Variants in NAA35 observed in about 807,000 individuals in gnomAD.
The protein encoded by NAA35 is MAK10 homolog, amino-acid N-acetyltransferase subunit.
In NAA35, 18 loss-of-function variants were observed where a neutral mutation model predicts 101.7. The observed-to-expected ratio is 0.18, with a 90% confidence interval of 0.12 to 0.26. The LOEUF (loss-of-function observed/expected upper bound fraction) is 0.26, where lower values mean the gene tolerates loss of function less well. NAA35 is among the 10% of genes least tolerant of loss of function. The pLI, the probability that NAA35 is intolerant of heterozygous loss-of-function variation, is 1.00. For missense variants in NAA35, 601 were observed against 886.8 expected (o/e 0.68, Z 4.09); for synonymous variants, 267 against 273.1 (o/e 0.98, Z 0.22).
At chr9:86,000,066 T>C (rs1587641528) in intron 12 of NAA35, among the ~76,000 whole-genome samples, 3 of 152,284 alleles carry the variant, frequency 2.0e-5, no homozygotes, top group Admixed American at 2.0e-4. Flanking sequence ...TTTTGAGGTG[T>C]GGTCCTTCAA....
intron 14 of NAA35, 126 bp downstream of exon 14, chr9:86,007,590 T>C: frequency 1.6e-6 from 1 of 617,228 alleles, no homozygotes; most frequent in South Asian, 2.2e-5. Flanking sequence ...AGTAACTTAA[T>C]AGTGTTAAAA....
intron 12 of NAA35, among the ~76,000 whole-genome samples, chr9:86,002,200 T>C (rs1831443973): frequency 6.6e-6 from 1 of 150,682 alleles, no homozygotes; most frequent in Admixed American, 6.6e-5. Context: ...CCCAATTTCT[T>C]CTTGTAGGGT....
At chr9:86,015,146 T>G (rs1383536991) in intron 17 of NAA35, among the ~76,000 whole-genome samples, 2 of 152,220 alleles carry the variant, frequency 1.3e-5, no homozygotes, top group Admixed American at 1.3e-4. Flanking sequence ...TCTTGATTTC[T>G]CAGATCAAAA....
chr9:85,977,594 A>G, intron 10 of NAA35, 148 bp downstream of exon 10: 1 of 513,604 alleles, frequency 1.9e-6, no homozygotes, highest in Non-Finnish European at 3.4e-6. Context: ...CCAGTGTAAC[A>G]CTGATGACTT....
At chr9:86,017,136 A>G (rs969773928) in intron 18 of NAA35, among the ~76,000 whole-genome samples, 1 of 152,268 alleles carries the variant, frequency 6.6e-6, no homozygotes, top group African/African-American at 2.4e-5. Flanking sequence ...AAGGCTATAG[A>G]TATGGCTGCA....
chr9:86,011,517 C>T (rs1004776753), intron 15 of NAA35, among the ~76,000 whole-genome samples: 21 of 150,906 alleles, frequency 1.4e-4, no homozygotes, highest in African/African-American at 4.9e-4. Context: ...TGGCACCACA[C>T]CTGGTTAATT....
chr9:85,976,569 A>G (rs970771851), intron 8 of NAA35, 116 bp from the exon 9 acceptor site: 6 of 665,494 alleles, frequency 9.0e-6, no homozygotes, highest in Non-Finnish European at 1.2e-5. Flanking sequence ...TTCCCCAACT[A>G]TTTTCCCCAA....
chr9:85,994,355 C>T (rs1264109428), intron 11 of NAA35, among the ~76,000 whole-genome samples: 1 of 152,192 alleles, frequency 6.6e-6, no homozygotes, highest in Non-Finnish European at 1.5e-5. Flanking sequence ...TATTCTCTGT[C>T]TGAATTTCAC....
intron 6 of NAA35, among the ~76,000 whole-genome samples, chr9:85,971,365 GTCT>G (rs1299111951): frequency 1.3e-5 from 2 of 151,990 alleles, no homozygotes; most frequent in East Asian, 3.9e-4. Context: ...TTTTCTCTTT[GTCT>G]TCTTAATACC....
At chr9:85,982,388 G>A (rs770347226) in intron 11 of NAA35, among the ~76,000 whole-genome samples, 1 of 152,130 alleles carries the variant, frequency 6.6e-6, no homozygotes, top group Non-Finnish European at 1.5e-5. Context: ...TGCTTATGCT[G>A]TCTTGAATTT....
In NAA35 at chr9:85,996,409, TATG is replaced by T. The variant is rs1266805985; in HGVS notation, c.892_894del (p.Met298del). The T allele has an allele frequency of 1.3e-6, 2 of 1,578,796 alleles. No homozygotes were observed. Among genetic ancestry groups the T allele is most frequent in the Non-Finnish European group, 1.7e-6 (2 of 1,170,642 alleles). ...TTTTTTTCTTTTTAGATCATCCAAT[TATG>T]ATGGGTTTTGAACCCCTTGTGAACC... On this transcript the variant is annotated inframe_deletion, in exon 12 of 23. Transcript: ENST00000361671.
intron 11 of NAA35, among the ~76,000 whole-genome samples, chr9:85,992,747 C>T (rs968262380): frequency 2.0e-5 from 3 of 152,112 alleles, no homozygotes; most frequent in African/African-American, 7.2e-5. Context: ...AAATTAAATG[C>T]AGTTGACATG....
intron 6 of NAA35, among the ~76,000 whole-genome samples, chr9:85,964,593 C>T (rs1829665851): frequency 6.6e-6 from 1 of 152,198 alleles, no homozygotes; most frequent in African/African-American, 2.4e-5. Flanking sequence ...CACATCAGAT[C>T]CTCAGCTTTT....
chr9:85,980,829 C>T lies in NAA35; in HGVS notation c.877+2448C>T, dbSNP rs1346144420. ...ATTAAAATGAGATGACATTTATATC[C>T]TTTTTTCGCCCCTCAACGACTTGGC... On this transcript the variant is annotated intron_variant, in intron 11 of 22. Transcript: ENST00000361671. Among the ~76,000 whole-genome samples the T allele has an allele frequency of 4.6e-5, 7 of 152,046 alleles. No individual in the cohort carries two copies. The South Asian group carries it at 1.4e-3, about 31-fold the overall frequency.
At chr9:86,017,669 T>C in intron 19 of NAA35, 104 bp downstream of exon 19, 1 of 919,262 alleles carries the variant, frequency 1.1e-6, no homozygotes, top group Non-Finnish European at 1.6e-6. Flanking sequence ...TAATTTCACC[T>C]TTGTTTTACT....
chr9:85,966,537 G>A (rs1417010624), intron 6 of NAA35: 2 of 836,320 alleles, frequency 2.4e-6, no homozygotes, highest in Middle Eastern at 2.9e-4. Context: ...AAATGAAAAT[G>A]TAGTTTGATT....
chr9:86,020,536 A>G (rs1009501054), intron 21 of NAA35, among the ~76,000 whole-genome samples: 4 of 152,154 alleles, frequency 2.6e-5, no homozygotes, highest in African/African-American at 4.8e-5. Flanking sequence ...CAAAGTTTCT[A>G]TTAGTATCTG....
At chr9:85,983,093 C>G (rs1322964632) in intron 11 of NAA35, among the ~76,000 whole-genome samples, 1 of 152,164 alleles carries the variant, frequency 6.6e-6, no homozygotes, top group Admixed American at 6.5e-5. Flanking sequence ...AGTGACATTC[C>G]TGAACCTCAC....
intron 2 of NAA35, among the ~76,000 whole-genome samples, chr9:85,947,334 G>GC (rs1043772549): frequency 5.9e-5 from 9 of 151,804 alleles, no homozygotes; most frequent in South Asian, 4.2e-4. Flanking sequence ...AATCTTTTTT[G>GC]CCCCCCACAG....
Sources: gnomAD v4.1 joint callset for allele counts (sites outside exome capture counted in the v4.1 genomes callset) on GRCh38, gnomAD v4.1.1 for gene constraint, MANE v1.5 for transcripts, NCBI Gene and HGNC (gene_info 2026-07-23, HGNC 2026-07-21) for gene names.